The following KIAA1671 variants were observed in gnomAD, a reference collection of about 807,000 sequenced individuals.
KIAA1671 encodes uncharacterized protein KIAA1671.
Under a neutral mutation model 131.2 loss-of-function variants are expected in KIAA1671, and 52 were observed. The observed-to-expected ratio is 0.40, with a 90% CI of 0.32 to 0.50. The LOEUF (loss-of-function observed/expected upper bound fraction) is 0.50, where lower values mean the gene tolerates loss of function less well. Among genes scored for constraint, KIAA1671 ranks in the 20% least tolerant of loss-of-function variants. KIAA1671 has a pLI of 0.73. For missense variants in KIAA1671, 2,360 were observed against 2,364.2 expected (o/e 1.00, Z 0.04); for synonymous variants, 1,003 against 961.6 (o/e 1.04, Z -0.80).
intron 6 of KIAA1671, among the ~76,000 whole-genome samples, chr22:25,119,864 A>G (rs1340389935): frequency 1.3e-5 from 2 of 152,206 alleles, no homozygotes; most frequent in African/African-American, 4.8e-5. Context: ...AGCACAAGTC[A>G]GTGGGAGAGG....
At chr22:25,129,526 C>A (rs35001990) in intron 6 of KIAA1671, among the ~76,000 whole-genome samples, 44,343 of 150,218 alleles carry the variant, frequency 0.3, 6,611 homozygotes, top group South Asian at 0.36. Context: ...AAAAAACCCA[C>A]AGATTCTGGA....
intron 6 of KIAA1671, chr22:25,070,425 C>A: frequency 2.1e-6 from 1 of 481,200 alleles, no homozygotes. Flanking sequence ...GGGTGAGTGG[C>A]GGGGGGCAGT....
intron 1 of KIAA1671, chr22:25,012,216 G>A (rs1274847785): frequency 1.3e-5 from 2 of 151,846 alleles, no homozygotes; most frequent in African/African-American, 4.8e-5. Flanking sequence ...AGTTATTACT[G>A]TATCCACGTA....
intron 1 of KIAA1671, among the ~76,000 whole-genome samples, chr22:24,990,100 T>A (rs906381888): frequency 7.9e-5 from 12 of 152,170 alleles, no homozygotes; most frequent in Non-Finnish European, 1.6e-4. Flanking sequence ...TTTATTTTTT[T>A]ATTTTTTTAG....
At position 25,017,844 on chromosome 22, in the gene KIAA1671, G is replaced by A. The variant is rs576908785; in HGVS notation, c.-207-7789G>A. On this transcript the variant is annotated intron_variant, in intron 1 of 12. Coordinates refer to ENST00000358431, the MANE Select transcript of KIAA1671 (RefSeq NM_001145206.2). ...GACTCAAGTTTACAAAAGTGTCTTC[G>A]GTGTAACAAGTGTTACATGTGCCCC... 4.6e-5 allele frequency among the ~76,000 whole-genome samples: 7 copies of A among 152,218 alleles called. No individual in the cohort carries two copies. The South Asian group carries it at 6.2e-4, about 14-fold the overall frequency.
chr22:25,051,608 C>A (rs1476672463), intron 6 of KIAA1671: 1 of 152,264 alleles, frequency 6.6e-6, no homozygotes, highest in East Asian at 1.9e-4. Context: ...TCCTCCTCCC[C>A]TTCCTCTCCT....
chr22:24,978,857 T>C (rs1923057495), intron 1 of KIAA1671, among the ~76,000 whole-genome samples: 1 of 152,140 alleles, frequency 6.6e-6, no homozygotes, highest in Non-Finnish European at 1.5e-5. Flanking sequence ...CTAATTTTTG[T>C]ATTTTTAGTA....
chr22:25,169,084 T>C (rs1933750579), intron 6 of KIAA1671, among the ~76,000 whole-genome samples: 2 of 152,130 alleles, frequency 1.3e-5, no homozygotes, highest in Admixed American at 1.3e-4. Flanking sequence ...GCCAGTCTTA[T>C]GCCCTAACCC....
At chr22:25,155,197 T>C (rs765975667) in intron 6 of KIAA1671, among the ~76,000 whole-genome samples, 5 of 152,256 alleles carry the variant, frequency 3.3e-5, no homozygotes, top group Non-Finnish European at 5.9e-5. Flanking sequence ...TTCTACCTTC[T>C]GAAGAGGCAG....
At chr22:24,996,996 T>C (rs140978838) in intron 1 of KIAA1671, among the ~76,000 whole-genome samples, 3,754 of 152,310 alleles carry the variant, frequency 0.025, 63 homozygotes, top group Non-Finnish European at 0.033. Flanking sequence ...ACCTTCTGTA[T>C]GCCAGGGGCC....
At chr22:24,983,772 G>A (rs992492382) in intron 1 of KIAA1671, among the ~76,000 whole-genome samples, 7 of 147,502 alleles carry the variant, frequency 4.7e-5, no homozygotes, top group Non-Finnish European at 8.9e-5. Flanking sequence ...AAGGTGTTTG[G>A]AATTTTTTTT....
rs527403792 is a variant in KIAA1671 at position 24,971,727 on chromosome 22, G to T, written c.-208+18955G>T. On this transcript the variant is annotated intron_variant, in intron 1 of 12. Transcript: ENST00000358431. Reference sequence around the variant, plus strand: ...TGCACCCAGAAATTGGTATTTTTTTGGGGGGGTCGTGGATCATGAAGGAAA... The same window carrying T: ...TGCACCCAGAAATTGGTATTTTTTTTGGGGGGTCGTGGATCATGAAGGAAA... Among the ~76,000 whole-genome samples the T allele has an allele frequency of 2.4e-4, 37 of 152,116 alleles. No individual in the cohort carries two copies. In the South Asian group the frequency reaches 6.2e-3, roughly 26 times the overall value.
At chr22:25,178,246 G>T (rs566695316) in intron 9 of KIAA1671, among the ~76,000 whole-genome samples, 13 of 152,316 alleles carry the variant, frequency 8.5e-5, no homozygotes, top group African/African-American at 3.1e-4. Context: ...CAGAGGGTGT[G>T]GGCAGGAGAG....
intron 1 of KIAA1671, among the ~76,000 whole-genome samples, chr22:24,996,371 G>A (rs1924138940): frequency 6.6e-6 from 1 of 152,150 alleles, no homozygotes; most frequent in Non-Finnish European, 1.5e-5. Flanking sequence ...ACTCACACGA[G>A]CCTTATGGAT....
chr22:25,029,353 T>C lies in KIAA1671; in HGVS notation c.1354T>C (p.Leu452=), dbSNP rs892707642. Residue 452 remains leucine, a synonymous_variant, in exon 3 of 13, where the codon TTG becomes CTG. Coordinates refer to ENST00000358431, the MANE Select transcript of KIAA1671 (RefSeq NM_001145206.2). ...GTTTCGGGAGGACAGCACCTTGGCCTTGGCAGTGGGGTCTGAATCTCCCCT... is the reference window on the plus strand; with the variant it reads ...GTTTCGGGAGGACAGCACCTTGGCCCTGGCAGTGGGGTCTGAATCTCCCCT... ...SLFREDSTLA[L]AVGSESPLAT... 2.5e-5 allele frequency: 38 copies of C among 1,550,752 alleles called. No individual in the cohort carries two copies. The highest frequency in any genetic ancestry group is 3.2e-5 in the Non-Finnish European group (37 of 1,146,592).
intron 1 of KIAA1671, among the ~76,000 whole-genome samples, chr22:24,978,491 A>G (rs573936417): frequency 6.6e-6 from 1 of 152,032 alleles, no homozygotes; most frequent in Non-Finnish European, 1.5e-5. Flanking sequence ...TTTTATACCC[A>G]TTTTGCAGAT....
intron 6 of KIAA1671, among the ~76,000 whole-genome samples, chr22:25,121,560 CA>C (rs1931947055): frequency 6.6e-6 from 1 of 151,550 alleles, no homozygotes; most frequent in Non-Finnish European, 1.5e-5. Context: ...AAATGTTTAA[CA>C]ACCCCGTCTT....
chr22:25,121,669 A>C (rs1210460117), intron 6 of KIAA1671, among the ~76,000 whole-genome samples: 2 of 152,218 alleles, frequency 1.3e-5, no homozygotes, highest in Admixed American at 1.3e-4. Flanking sequence ...TTTTCACTAA[A>C]CACAAAGTTG....
intron 1 of KIAA1671, among the ~76,000 whole-genome samples, chr22:25,016,314 C>T (rs1723665294): frequency 6.6e-6 from 1 of 152,028 alleles, no homozygotes. Context: ...CCACCGTGCC[C>T]AGCCAAGAAT....
Sources: gnomAD v4.1 joint callset for allele counts (sites outside exome capture counted in the v4.1 genomes callset) on GRCh38, gnomAD v4.1.1 for gene constraint, MANE v1.5 for transcripts, NCBI Gene and HGNC (gene_info 2026-07-23, HGNC 2026-07-21) for gene names.